Variants in CHRND observed in about 807,000 individuals in gnomAD.
The protein encoded by CHRND is cholinergic receptor nicotinic delta subunit.
A neutral mutation model predicts 57.8 loss-of-function variants in CHRND; 40 were observed. That is an observed-to-expected ratio of 0.69 (90% confidence interval 0.54 to 0.90). CHRND has a LOEUF of 0.90. CHRND is among the 40% of genes least tolerant of loss of function. The pLI, the probability that CHRND is intolerant of heterozygous loss-of-function variation, is 0.00. For synonymous variants in CHRND, 237 were observed against 270.6 expected (o/e 0.88, Z 1.22); for missense variants, 634 against 673.9 (o/e 0.94, Z 0.66).
chr2:232,531,598 T>C lies in CHRND; in HGVS notation c.989T>C (p.Val330Ala), dbSNP rs1691700630. Reference sequence around the variant, plus strand: ...ATGGTTGTGGTGATCTGTGTCATCGTGCTCAACATCCACTTCCGAACACCC... The same window carrying C: ...ATGGTTGTGGTGATCTGTGTCATCGCGCTCAACATCCACTTCCGAACACCC... ...VTMVVVICVI[V>A]LNIHFRTPST... is the part of the protein sequence containing the mutation. The change falls in exon 9 of 12, where the codon GTG (valine) becomes GCG (alanine). Residue 330 changes from valine to alanine, a missense_variant. Physicochemically the swap from Val to Ala is moderately conservative, Grantham distance 64. Transcript: ENST00000258385. 5 of 1,614,034 alleles carry C rather than the reference T, an allele frequency of 3.1e-6. No homozygotes were observed. The East Asian group carries it at 1.1e-4, about 36-fold the overall frequency.
intron 7 of CHRND, 145 bp downstream of exon 7, chr2:232,530,284 C>G (rs1691640763): frequency 7.2e-6 from 6 of 834,890 alleles, no homozygotes; most frequent in African/African-American, 1.7e-5. Context: ...GGTGTGAGGG[C>G]CAGGTGGCCA....
rs182343788 is a variant in CHRND, at chr2:232,530,904, G to C, written c.821-448G>C. Among the ~76,000 whole-genome samples, 181 of 152,312 alleles carry C rather than the reference G, an allele frequency of 1.2e-3. 1 individual carries two copies. The highest frequency in any genetic ancestry group is 4.2e-3 in the African/African-American group (175 of 41,566). ...AAGACAGCACTGGGCTGGGGTCTCT[G>C]AGTGAGGGGCTGGGAGTTGAGGTGT... is the stretch of plus-strand genomic sequence containing the variant. On this transcript the variant is annotated intron_variant, in intron 7 of 11. Coordinates refer to ENST00000258385, the MANE Select transcript of CHRND (RefSeq NM_000751.3).
Position 232,534,094 on chromosome 2 carries a change from A to G in CHRND, c.1211A>G (p.Gln404Arg). 6.2e-7 allele frequency: 1 copy of G among 1,614,140 alleles called. No individual in the cohort carries two copies. Among genetic ancestry groups the G allele is most frequent in the Non-Finnish European group, 8.5e-7 (1 of 1,180,040 alleles). ...KSRSDLMFEK[Q>R]SERHGLARRL... ...CGCAGTGACCTCATGTTCGAGAAGC[A>G]GTCAGAGCGGCATGGGCTGGCCAGG... Residue 404 changes from glutamine (Q) to arginine (R), a missense_variant, in exon 10 of 12, where the codon CAG becomes CGG. Transcript: ENST00000258385.
At chr2:232,530,281 G>A in intron 7 of CHRND, 142 bp downstream of exon 7, 1 of 873,620 alleles carries the variant, frequency 1.1e-6, no homozygotes, top group Non-Finnish European at 1.8e-6. Context: ...CCAGGTGTGA[G>A]GGCCAGGTGG....
rs1464697871 is a variant in CHRND, at chr2:232,534,253, C to A, written c.1282C>A (p.Gln428Lys). The A allele has an allele frequency of 6.2e-7, 1 of 1,614,222 alleles. No homozygotes were observed. Residue 428 changes from glutamine (Q) to lysine (K), a missense_variant, in exon 11 of 12, where the codon CAG (glutamine) becomes AAG (lysine). By Grantham distance (53) the Gln-to-Lys change is moderately conservative. Transcript: ENST00000258385. ...RRPPASSEQAQQELFNELKPA... is the reference protein window; with the variant it reads ...RRPPASSEQAKQELFNELKPA... Reference sequence around the variant, plus strand: ...GCCCCCAGCAAGCTCTGAGCAGGCCCAGCAGGAACTCTTCAATGAGCTGAA... The same window carrying A: ...GCCCCCAGCAAGCTCTGAGCAGGCCAAGCAGGAACTCTTCAATGAGCTGAA...
Position 232,536,433 on chromosome 2 carries a change from T to TCACCAACCTC in CHRND, c.*1121_*1122insCACCAACCTC, listed in dbSNP as rs1691894609. 2.2e-6 allele frequency: 1 copy of TCACCAACCTC among 454,020 alleles called. No individual in the cohort carries two copies. Among genetic ancestry groups the TCACCAACCTC allele is most frequent in the African/African-American group, 2.0e-5 (1 of 49,998 alleles). The allele number at this position is 454,020 out of a possible 1,614,324, so 28.1% of individuals were successfully genotyped here. On this transcript the variant is annotated 3_prime_UTR_variant, in exon 12 of 12. Transcript: ENST00000258385. ...AGCCAGCTGGCATGTTAAGGAGCCCTATGGAGAGGCCCACATGGCAAGGAA... is the reference window on the plus strand; with the variant it reads ...AGCCAGCTGGCATGTTAAGGAGCCCTCACCAACCTCATGGAGAGGCCCACATGGCAAGGAA...
At chr2:232,527,310 A>AAAGAGAGAGAGAG in intron 2 of CHRND, 91 bp from the exon 3 acceptor site, 2 of 913,014 alleles carry the variant, frequency 2.2e-6, no homozygotes, top group Non-Finnish European at 3.5e-6. Context: ...TGGAAAAAAA[A>AAAGAGAGAGAGAG]AGAGAGAGAG....
rs77032539 is a variant in CHRND, at chr2:232,536,552, T to C, written c.*1240T>C. 631 of 433,856 alleles carry C rather than the reference T, an allele frequency of 1.5e-3. No homozygotes were observed. The highest frequency in any genetic ancestry group is 0.012 in the African/African-American group (574 of 49,486). 26.9% of individuals were successfully genotyped at this position (433,856 alleles called of 1,614,324 possible). A position where few individuals can be genotyped will look rare whatever the true frequency, so the allele number is the denominator to read the frequency against. On this transcript the variant is annotated 3_prime_UTR_variant, in exon 12 of 12. Transcript: ENST00000258385. ...GGATGAGATCACAGCCCAGTAGACA[T>C]CTTATGTGCAGCCCCATGAAAGTCC...
At chr2:232,527,310 A>G (rs535299014) in intron 2 of CHRND, 91 bp from the exon 3 acceptor site, 51 of 914,292 alleles carry the variant, frequency 5.6e-5, no homozygotes, top group Admixed American at 1.3e-4. Flanking sequence ...TGGAAAAAAA[A>G]AGAGAGAGAG....
chr2:232,530,168 C>T (rs753625247), intron 7 of CHRND, 29 bp downstream of exon 7: 2 of 1,608,592 alleles, frequency 1.2e-6, no homozygotes, highest in Admixed American at 1.7e-5. Flanking sequence ...TCCCCTGCTC[C>T]CCCTCCCCAA....
chr2:232,530,280 A>T, intron 7 of CHRND, 141 bp downstream of exon 7: 1 of 897,840 alleles, frequency 1.1e-6, no homozygotes. Context: ...TCCAGGTGTG[A>T]GGGCCAGGTG....
intron 9 of CHRND, among the ~76,000 whole-genome samples, chr2:232,531,970 A>AAAAAAAAAAAAAAAAAAAAAAG (rs1391577789): frequency 1.5e-5 from 2 of 135,328 alleles, no homozygotes; most frequent in African/African-American, 5.3e-5. Flanking sequence ...AAAAAAAAAA[A>AAAAAAAAAAAAAAAAAAAAAAG]AAAAGAAATG....
At chr2:232,529,412 C>T (rs1221408036) in intron 6 of CHRND, among the ~76,000 whole-genome samples, 1 of 151,936 alleles carries the variant, frequency 6.6e-6, no homozygotes, top group East Asian at 1.9e-4. Flanking sequence ...CTCGGATCCT[C>T]CATGGGGCCT....
At chr2:232,530,513 G>C (rs1691649869) in intron 7 of CHRND, among the ~76,000 whole-genome samples, 1 of 152,198 alleles carries the variant, frequency 6.6e-6, no homozygotes. Context: ...AGGGTCTCTA[G>C]GACAGTAGGG....
intron 1 of CHRND, 107 bp from the exon 2 acceptor site, chr2:232,526,422 C>T: frequency 1.9e-6 from 3 of 1,561,510 alleles, no homozygotes; most frequent in South Asian, 1.1e-5. Context: ...TGGTTGGGTT[C>T]CCCCCTGCTC....
intron 9 of CHRND, among the ~76,000 whole-genome samples, chr2:232,532,653 G>A (rs953100523): frequency 3.9e-5 from 6 of 152,162 alleles, no homozygotes; most frequent in Admixed American, 6.5e-5. Context: ...AAAGAAACCA[G>A]ACGCAGCAGC....
intron 9 of CHRND, 110 bp downstream of exon 9, chr2:232,531,766 T>C: frequency 1.2e-6 from 1 of 846,522 alleles, no homozygotes; most frequent in Non-Finnish European, 2.0e-6. Context: ...CTGGGCAACA[T>C]AGAGACACCC....
At chr2:232,530,863 C>T (rs747612286) in intron 7 of CHRND, among the ~76,000 whole-genome samples, 26 of 152,148 alleles carry the variant, frequency 1.7e-4, no homozygotes, top group Non-Finnish European at 3.2e-4. Flanking sequence ...CGTGCAGGAG[C>T]TCAGGTGGGA....
In CHRND at chr2:232,526,246, C is replaced by T. The variant is rs1235166420; in HGVS notation, c.31C>T (p.Leu11=). The change falls in exon 1 of 12, where the codon CTG becomes TTG. Residue 11 remains leucine, a synonymous_variant. Transcript: ENST00000258385. ...GGGGCCAGTGCTGACACTGGGGCTG[C>T]TGGCTGCCCTGGCGGTGTGTGGTAA... The part of the protein sequence containing the change: MEGPVLTLGL[L]AALAVCGSWG... The T allele has an allele frequency of 1.9e-6, 3 of 1,613,110 alleles. No individual in the cohort carries two copies. Among genetic ancestry groups the T allele is most frequent in the Admixed American group, 1.7e-5 (1 of 59,946 alleles).
Sources: allele counts gnomAD v4.1 joint callset (sites outside exome capture counted in the v4.1 genomes callset), GRCh38; gene constraint gnomAD v4.1.1; transcripts MANE v1.5; gene names NCBI Gene and HGNC (gene_info 2026-07-23, HGNC 2026-07-21).